Variants in SOX5 observed in about 807,000 individuals in gnomAD.
SOX5 encodes the protein SRY-box transcription factor 5.
A neutral mutation model predicts 92.0 loss-of-function variants in SOX5; 9 were observed. That is an observed-to-expected ratio of 0.10 (90% CI 0.06 to 0.17). SOX5 has a LOEUF of 0.17. Among genes scored for constraint, SOX5 ranks in the 10% least tolerant of loss-of-function variants. The probability of loss-of-function intolerance (pLI) is 1.00; values close to 1 mark genes in which losing one functional copy is unlikely to be tolerated. For missense variants in SOX5, 642 were observed against 944.5 expected (o/e 0.68, Z 4.20); for synonymous variants, 344 against 336.3 (o/e 1.02, Z -0.25).
intron 7 of SOX5, among the ~76,000 whole-genome samples, chr12:23,645,631 T>C (rs2080736809): frequency 6.6e-6 from 1 of 152,192 alleles, no homozygotes; most frequent in Non-Finnish European, 1.5e-5. Flanking sequence ...ATATCAAATT[T>C]CATGTAAATT....
intron 4 of SOX5, among the ~76,000 whole-genome samples, chr12:24,070,446 A>T (rs1281478149): frequency 6.6e-6 from 1 of 152,298 alleles, no homozygotes; most frequent in Non-Finnish European, 1.5e-5. Flanking sequence ...GGCAATACAT[A>T]TCCTAAAATA....
intron 10 of SOX5, among the ~76,000 whole-genome samples, chr12:23,573,174 C>T (rs1948626163): frequency 6.6e-6 from 1 of 152,074 alleles, no homozygotes; most frequent in Admixed American, 6.5e-5. Context: ...TCTTCCTCTC[C>T]CCCCTTGAAG....
intron 1 of SOX5, among the ~76,000 whole-genome samples, chr12:24,475,993 TAAAAAAAAAAA>T (rs71450741): frequency 2.3e-5 from 2 of 86,136 alleles, no homozygotes; most frequent in Non-Finnish European, 4.4e-5. Context: ...GAAATACATT[TAAAAAAAAAAA>T]AAAAAAAAAA....
intron 3 of SOX5, among the ~76,000 whole-genome samples, chr12:24,249,547 C>A (rs1939605813): frequency 6.6e-6 from 1 of 152,128 alleles, no homozygotes; most frequent in Admixed American, 6.5e-5. Context: ...TTACATATGG[C>A]CTATTGACAG....
intron 8 of SOX5, among the ~76,000 whole-genome samples, chr12:23,607,194 C>T (rs1272687010): frequency 6.6e-6 from 1 of 152,156 alleles, no homozygotes; most frequent in East Asian, 1.9e-4. Flanking sequence ...TCCTGGTTCA[C>T]CAAGGTATTG....
intron 4 of SOX5, among the ~76,000 whole-genome samples, chr12:24,109,543 G>T (rs1258973456): frequency 1.3e-5 from 2 of 152,230 alleles, no homozygotes; most frequent in African/African-American, 4.8e-5. Context: ...ACTTCTGAAA[G>T]TGAGAAACAA....
intron 4 of SOX5, among the ~76,000 whole-genome samples, chr12:24,153,860 T>TAC (rs35435417): frequency 0.049 from 7,366 of 151,666 alleles, 187 homozygotes; most frequent in South Asian, 0.082. Context: ...CTCACTTGAA[T>TAC]ACACACACAC....
chr12:24,075,537 T>C (rs1011927811), intron 4 of SOX5, among the ~76,000 whole-genome samples: 1 of 152,136 alleles, frequency 6.6e-6, no homozygotes, highest in Admixed American at 6.6e-5. Flanking sequence ...GACAGATATA[T>C]AAGGGGTAGA....
At chr12:23,617,442 A>G (rs2137966988) in intron 8 of SOX5, among the ~76,000 whole-genome samples, 1 of 152,336 alleles carries the variant, frequency 6.6e-6, no homozygotes. Context: ...TACAGAAGAT[A>G]TAATGTAATT....
intron 2 of SOX5, among the ~76,000 whole-genome samples, chr12:23,888,364 T>C (rs1480694500): frequency 2.0e-5 from 3 of 152,042 alleles, no homozygotes; most frequent in Non-Finnish European, 2.9e-5. Context: ...GTGGGGATAA[T>C]AGTAGACATT....
chr12:23,812,328 A>G (rs1048793564), intron 3 of SOX5, among the ~76,000 whole-genome samples: 1 of 152,130 alleles, frequency 6.6e-6, no homozygotes, highest in African/African-American at 2.4e-5. Context: ...TTTCTTGCCA[A>G]CATCAAAGTT....
At chr12:23,861,344 G>A (rs1271891902) in intron 2 of SOX5, among the ~76,000 whole-genome samples, 1 of 152,116 alleles carries the variant, frequency 6.6e-6, no homozygotes, top group Non-Finnish European at 1.5e-5. Context: ...TGTGACTACA[G>A]GTGACAGTAT....
intron 3 of SOX5, among the ~76,000 whole-genome samples, chr12:24,238,926 C>T (rs532379459): frequency 2.0e-5 from 3 of 152,220 alleles, no homozygotes; most frequent in Non-Finnish European, 2.9e-5. Flanking sequence ...CCTCTCCCAA[C>T]GTTGTTTTAT....
intron 3 of SOX5, among the ~76,000 whole-genome samples, chr12:24,213,675 T>C (rs987124029): frequency 6.6e-6 from 1 of 151,864 alleles, no homozygotes; most frequent in Non-Finnish European, 1.5e-5. Context: ...AGTTAGTGGC[T>C]AATGAATGAA....
intron 4 of SOX5, among the ~76,000 whole-genome samples, chr12:23,983,036 C>T (rs556317079): frequency 2.0e-5 from 3 of 151,902 alleles, no homozygotes; most frequent in South Asian, 2.1e-4. Flanking sequence ...CGATCAAGAT[C>T]CTGAGTTAGT....
At chr12:24,120,039 G>A (rs1453584267) in intron 4 of SOX5, among the ~76,000 whole-genome samples, 1 of 152,136 alleles carries the variant, frequency 6.6e-6, no homozygotes, top group Non-Finnish European at 1.5e-5. Context: ...TCCATTTTAA[G>A]AATAAACCAC....
At chr12:24,274,672 G>GAAA (rs11394481) in intron 3 of SOX5, among the ~76,000 whole-genome samples, 26 of 146,252 alleles carry the variant, frequency 1.8e-4, no homozygotes, top group African/African-American at 4.0e-4. Context: ...GTTTTGAAAG[G>GAAA]AAAAAAAAAA....
chr12:23,665,132 T>G (rs530656690), intron 7 of SOX5, among the ~76,000 whole-genome samples: 1 of 152,128 alleles, frequency 6.6e-6, no homozygotes, highest in South Asian at 2.1e-4. Context: ...GTTAAAAAGG[T>G]GGTAAAAAGC....
chr12:24,143,273 A>G (rs1408212332), intron 4 of SOX5, among the ~76,000 whole-genome samples: 1 of 152,192 alleles, frequency 6.6e-6, no homozygotes, highest in Non-Finnish European at 1.5e-5. Flanking sequence ...CTAGCATCCA[A>G]TGAGGTAAAC....
Sources: gnomAD v4.1 joint callset for allele counts (sites outside exome capture counted in the v4.1 genomes callset) on GRCh38, gnomAD v4.1.1 for gene constraint, MANE v1.5 for transcripts, NCBI Gene and HGNC (gene_info 2026-07-23, HGNC 2026-07-21) for gene names.